C1orf162: variants seen among roughly 807,000 people sequenced by gnomAD.
C1orf162 encodes the protein transmembrane protein C1orf162.
Under a neutral mutation model 11.4 loss-of-function variants are expected in C1orf162, and 10 were observed. The observed-to-expected ratio is 0.88, with a 90% CI of 0.54 to 1.48. C1orf162 has a LOEUF of 1.48. C1orf162 is among the 40% of genes most tolerant of loss of function. C1orf162 has a pLI of 0.00. For missense variants in C1orf162, 140 were observed against 149.5 expected (o/e 0.94, Z 0.33); for synonymous variants, 53 against 55.0 (o/e 0.96, Z 0.16).
In C1orf162 at chr1:111,477,476, A is replaced by G. The variant is rs764900527; in HGVS notation, c.202+48A>G. 7 of 1,556,084 alleles carry G rather than the reference A, an allele frequency of 4.5e-6. No individual in the cohort carries two copies. In the South Asian group the frequency reaches 5.6e-5, roughly 12 times the overall value. ...GACAGCCCTTCTCTCTCTGCCATTG[A>G]TACTAGAATTAGCTATGAGTGAGTA... On this transcript the variant is annotated intron_variant, in intron 4 of 5. Transcript: ENST00000369718.
In C1orf162 at chr1:111,474,014, G is replaced by A. The variant is rs574337199; in HGVS notation, c.-28G>A. On this transcript the variant is annotated 5_prime_UTR_variant, in exon 1 of 6. Transcript: ENST00000369718. Reference sequence around the variant, plus strand: ...TAGACGACTGCGTCGTGCTATGACCGGACTTTTTCTTGAAAGGTAAATGCA... The same window carrying A: ...TAGACGACTGCGTCGTGCTATGACCAGACTTTTTCTTGAAAGGTAAATGCA... The A allele has an allele frequency of 1.3e-5, 2 of 152,298 alleles. No homozygotes were observed. Among genetic ancestry groups the A allele is most frequent in the South Asian group, 2.1e-4 (1 of 4,824 alleles). The allele number at this position is 152,298 out of a possible 1,614,324, so 9.4% of individuals were successfully genotyped here. A position where few individuals can be genotyped will look rare whatever the true frequency, so the allele number is the denominator to read the frequency against.
intron 4 of C1orf162, 148 bp from the exon 5 acceptor site, chr1:111,477,578 C>T (rs1343773190): frequency 1.8e-5 from 27 of 1,505,036 alleles, no homozygotes; most frequent in African/African-American, 1.4e-5. Context: ...AGATTCAAAT[C>T]CCTTCATTTT....
chr1:111,475,036 T>A (rs1653946791), intron 1 of C1orf162: 1 of 151,556 alleles, frequency 6.6e-6, no homozygotes, highest in Admixed American at 6.6e-5. Flanking sequence ...AAATCAGGGA[T>A]GCATACAATG....
At chr1:111,474,439 A>G (rs373781761) in intron 1 of C1orf162, 1 of 152,316 alleles carries the variant, frequency 6.6e-6, no homozygotes, top group South Asian at 2.1e-4. Flanking sequence ...TAAATTCAGA[A>G]CTGCTACTGT....
chr1:111,476,593 T>C (rs1653997634), intron 2 of C1orf162, among the ~76,000 whole-genome samples: 1 of 152,124 alleles, frequency 6.6e-6, no homozygotes, highest in African/African-American at 2.4e-5. Flanking sequence ...GTATTTCATG[T>C]ATGTAGTTGA....
At chr1:111,475,950 C>A in intron 1 of C1orf162, 68 bp from the exon 2 acceptor site, 2 of 1,268,150 alleles carry the variant, frequency 1.6e-6, no homozygotes, top group East Asian at 4.7e-5. Flanking sequence ...CAATCACAGT[C>A]TCAGAGCTGG....
intron 1 of C1orf162, 147 bp from the exon 2 acceptor site, chr1:111,475,871 G>T: frequency 1.6e-6 from 1 of 606,758 alleles, no homozygotes; most frequent in East Asian, 2.8e-5. Flanking sequence ...CCACTGATGA[G>T]TGATCTGTGA....
At position 111,478,032 on chromosome 1, in the gene C1orf162, A is replaced by G; in HGVS notation, c.302A>G (p.Lys101Arg). The G allele has an allele frequency of 6.2e-7, 1 of 1,614,044 alleles. No homozygotes were observed. The highest frequency in any genetic ancestry group is 8.5e-7 in the Non-Finnish European group (1 of 1,179,938). Residue 101 changes from lysine (K) to arginine (R), a missense_variant, in exon 6 of 6, where the codon AAA becomes AGA. Lys to Arg is a conservative substitution (Grantham distance 26). Transcript: ENST00000369718. ...ESLTYASTTFKLSEEKSNHLA... is the reference protein window; with the variant it reads ...ESLTYASTTFRLSEEKSNHLA... Reference sequence around the variant, plus strand: ...CTTACCTATGCCAGCACAACTTTCAAACTCTCAGAAGAAAAGAGCAATCAC... The same window carrying G: ...CTTACCTATGCCAGCACAACTTTCAGACTCTCAGAAGAAAAGAGCAATCAC...
chr1:111,474,787 TA>T (rs1204303092), intron 1 of C1orf162: 3 of 152,214 alleles, frequency 2.0e-5, no homozygotes, highest in African/African-American at 7.2e-5. Flanking sequence ...AGGTACTTGG[TA>T]ATGTTGTTGT....
chr1:111,477,831 C>G (rs17027773), intron 5 of C1orf162, 56 bp downstream of exon 5: 142,674 of 1,604,362 alleles, frequency 0.089, 7,125 homozygotes, highest in African/African-American at 0.17. Flanking sequence ...TTGGAATTCC[C>G]CTCCATACTC....
intron 2 of C1orf162, among the ~76,000 whole-genome samples, chr1:111,476,475 T>C (rs901345611): frequency 2.0e-5 from 3 of 152,200 alleles, no homozygotes; most frequent in African/African-American, 7.2e-5. Context: ...AGCTGGGAGA[T>C]GCTTTCCTTA....
chr1:111,477,060 G>A, intron 3 of C1orf162, 193 bp downstream of exon 3: 3 of 670,898 alleles, frequency 4.5e-6, no homozygotes, highest in Non-Finnish European at 7.7e-6. Context: ...AGAGATCCAT[G>A]GATCCCCTAA....
chr1:111,474,667 C>G (rs1490033081), intron 1 of C1orf162: 1 of 152,220 alleles, frequency 6.6e-6, no homozygotes, highest in East Asian at 1.9e-4. Flanking sequence ...GCCGATTCTG[C>G]TGCGGACTGT....
chr1:111,476,754 T>A, intron 2 of C1orf162, 44 bp from the exon 3 acceptor site: 1 of 1,595,106 alleles, frequency 6.3e-7, no homozygotes, highest in South Asian at 1.1e-5. Context: ...AAGGGTATCA[T>A]GAAAAGTGAC....
intron 3 of C1orf162, 168 bp from the exon 4 acceptor site, chr1:111,477,166 A>C: frequency 1.5e-6 from 1 of 675,768 alleles, no homozygotes; most frequent in Non-Finnish European, 2.6e-6. Flanking sequence ...TGAGGCCTCA[A>C]ATGGATGTGA....
At chr1:111,475,794 C>A (rs1425265592) in intron 1 of C1orf162, 3 of 486,968 alleles carry the variant, frequency 6.2e-6, no homozygotes, top group Non-Finnish European at 1.1e-5. Flanking sequence ...CTGATAAGAT[C>A]AAATTTCTGG....
chr1:111,477,077 A>G (rs1654016675), intron 3 of C1orf162: 2 of 651,838 alleles, frequency 3.1e-6, no homozygotes, highest in Non-Finnish European at 5.3e-6. Context: ...CTAAGCTTAT[A>G]GGTAAAATTT....
At chr1:111,476,542 C>T (rs1436438200) in intron 2 of C1orf162, among the ~76,000 whole-genome samples, 3 of 151,372 alleles carry the variant, frequency 2.0e-5, no homozygotes, top group East Asian at 2.0e-4. Context: ...AGGAGAGCAA[C>T]ATATGAGATT....
At position 111,475,249 on chromosome 1, in the gene C1orf162, A is replaced by G. The variant is rs527575677; in HGVS notation, c.-11-769A>G. ...AAAATGCTGAGTGTAAAAGGAAGAT[A>G]TAACCTCTTATAAAAAGAAATATCT... On this transcript the variant is annotated intron_variant, in intron 1 of 5. Coordinates refer to ENST00000369718, the MANE Select transcript of C1orf162 (RefSeq NM_001300834.2). The G allele has an allele frequency of 3.3e-5, 5 of 152,374 alleles. No homozygotes were observed. In the East Asian group the frequency reaches 9.6e-4, roughly 29 times the overall value. The allele number at this position is 152,374 out of a possible 1,614,324, so 9.4% of individuals were successfully genotyped here. A position where few individuals can be genotyped will look rare whatever the true frequency, so the allele number is the denominator to read the frequency against.
Sources: allele counts gnomAD v4.1 joint callset (sites outside exome capture counted in the v4.1 genomes callset), GRCh38; gene constraint gnomAD v4.1.1; transcripts MANE v1.5; gene names NCBI Gene and HGNC (gene_info 2026-07-23, HGNC 2026-07-21).